The following C8orf34 variants were observed in gnomAD, a reference collection of about 807,000 sequenced individuals.
C8orf34 encodes the protein uncharacterized protein C8orf34.
A neutral mutation model predicts 68.3 loss-of-function variants in C8orf34; 65 were observed. That is an observed-to-expected ratio of 0.95 (90% CI 0.78 to 1.17). C8orf34 has a LOEUF of 1.17. Among genes scored for constraint, C8orf34 ranks in the 50% most tolerant of loss-of-function variants. The pLI is 0.00. For synonymous variants in C8orf34, 244 were observed against 241.2 expected, an observed-to-expected ratio of 1.01 and a Z score of -0.11; for missense variants, 664 against 655.4, an observed-to-expected ratio of 1.01 and a Z score of -0.14.
intron 7 of C8orf34, among the ~76,000 whole-genome samples, chr8:68,548,409 T>C (rs1815956900): frequency 6.6e-6 from 1 of 151,602 alleles, no homozygotes; most frequent in Admixed American, 6.6e-5. Flanking sequence ...GATAAACAAA[T>C]GGGAAATAAG....
intron 5 of C8orf34, among the ~76,000 whole-genome samples, chr8:68,508,905 C>T (rs1286122962): frequency 2.6e-5 from 4 of 152,072 alleles, no homozygotes; most frequent in Admixed American, 2.0e-4. Context: ...CTCGCTAGGC[C>T]AGAGTCCCTG....
chr8:68,810,549 A>T (rs1226975233), intron 12 of C8orf34, among the ~76,000 whole-genome samples: 1 of 152,122 alleles, frequency 6.6e-6, no homozygotes, highest in Non-Finnish European at 1.5e-5. Flanking sequence ...AGTGAGGGGC[A>T]TGTCTCAACC....
At chr8:68,334,718 G>A (rs1805772413) in intron 1 of C8orf34, among the ~76,000 whole-genome samples, 1 of 152,060 alleles carries the variant, frequency 6.6e-6, no homozygotes, top group African/African-American at 2.4e-5. Flanking sequence ...CTCTAAGTAT[G>A]GTATGACCCA....
intron 10 of C8orf34, among the ~76,000 whole-genome samples, chr8:68,753,161 C>A (rs1317477931): frequency 6.6e-6 from 1 of 152,054 alleles, no homozygotes; most frequent in Non-Finnish European, 1.5e-5. Flanking sequence ...AAAACATGTT[C>A]TCGTAGATAA....
intron 8 of C8orf34, among the ~76,000 whole-genome samples, chr8:68,681,201 G>A (rs956161478): frequency 2.6e-5 from 4 of 152,094 alleles, no homozygotes; most frequent in Admixed American, 1.3e-4. Context: ...CAATCAATTT[G>A]TATAGTTAAC....
At chr8:68,480,063 G>T (rs1317429222) in intron 4 of C8orf34, among the ~76,000 whole-genome samples, 1 of 152,108 alleles carries the variant, frequency 6.6e-6, no homozygotes, top group Non-Finnish European at 1.5e-5. Context: ...TTTGTTCTAG[G>T]ATAACCAATT....
intron 7 of C8orf34, among the ~76,000 whole-genome samples, chr8:68,638,688 A>G (rs1323593256): frequency 6.6e-6 from 1 of 151,994 alleles, no homozygotes; most frequent in African/African-American, 2.4e-5. Flanking sequence ...GTCGTTGTCC[A>G]GTTAACAAAC....
chr8:68,622,761 AAGATG>A (rs1439616185), intron 7 of C8orf34, among the ~76,000 whole-genome samples: 11 of 152,254 alleles, frequency 7.2e-5, no homozygotes, highest in Non-Finnish European at 1.3e-4. Context: ...AAAAATAAAA[AAGATG>A]AGATGCAAAA....
At chr8:68,378,379 A>C (rs1483639177) in intron 1 of C8orf34, among the ~76,000 whole-genome samples, 3 of 152,154 alleles carry the variant, frequency 2.0e-5, no homozygotes, top group African/African-American at 7.2e-5. Context: ...GAGTGGTACA[A>C]TCTAGGCTCA....
chr8:68,723,339 C>A (rs1452669175), intron 10 of C8orf34, among the ~76,000 whole-genome samples: 1 of 152,026 alleles, frequency 6.6e-6, no homozygotes, highest in Non-Finnish European at 1.5e-5. Context: ...TTCTTTTAAC[C>A]AATGCTTACA....
At chr8:68,582,689 T>C (rs900407970) in intron 7 of C8orf34, among the ~76,000 whole-genome samples, 1 of 152,070 alleles carries the variant, frequency 6.6e-6, no homozygotes, top group Non-Finnish European at 1.5e-5. Flanking sequence ...TAGGTATTAC[T>C]CGTTTTTTGA....
At chr8:68,777,038 G>A (rs766779471) in intron 11 of C8orf34, among the ~76,000 whole-genome samples, 4 of 152,222 alleles carry the variant, frequency 2.6e-5, no homozygotes, top group Non-Finnish European at 5.9e-5. Context: ...ATAAACCAGT[G>A]GGCAGAGCCC....
intron 5 of C8orf34, among the ~76,000 whole-genome samples, chr8:68,508,235 TCTC>T (rs1403841646): frequency 3.3e-5 from 5 of 152,186 alleles, no homozygotes; most frequent in African/African-American, 7.2e-5. Context: ...TTGCAATACT[TCTC>T]CTTCTTGCCC....
intron 12 of C8orf34, among the ~76,000 whole-genome samples, chr8:68,812,412 T>C (rs1271953107): frequency 6.6e-6 from 1 of 152,196 alleles, no homozygotes. Flanking sequence ...ATATCGTCTT[T>C]AGTATAATTA....
chr8:68,741,681 G>C (rs1306677546), intron 10 of C8orf34, among the ~76,000 whole-genome samples: 1 of 151,884 alleles, frequency 6.6e-6, no homozygotes, highest in Non-Finnish European at 1.5e-5. Context: ...GGGTTCAGTT[G>C]TTTTAATTTT....
At chr8:68,674,140 T>A (rs1209163600) in intron 8 of C8orf34, among the ~76,000 whole-genome samples, 2 of 151,750 alleles carry the variant, frequency 1.3e-5, no homozygotes, top group Non-Finnish European at 2.9e-5. Context: ...AACACCCAAG[T>A]CCCCTCAAAT....
intron 8 of C8orf34, among the ~76,000 whole-genome samples, chr8:68,651,995 T>A (rs975192388): frequency 6.6e-6 from 1 of 152,160 alleles, no homozygotes; most frequent in African/African-American, 2.4e-5. Context: ...CTAAGTGATA[T>A]CTATGGACTG....
At chr8:68,358,673 G>A (rs1044081597) in intron 1 of C8orf34, among the ~76,000 whole-genome samples, 4 of 151,510 alleles carry the variant, frequency 2.6e-5, no homozygotes, top group African/African-American at 9.7e-5. Flanking sequence ...TTTTTGGAGG[G>A]GGGGTGTTTA....
intron 10 of C8orf34, among the ~76,000 whole-genome samples, chr8:68,729,330 T>G (rs2129526791): frequency 6.6e-6 from 1 of 152,336 alleles, no homozygotes; most frequent in African/African-American, 2.4e-5. Context: ...TTTTGGGAAT[T>G]ATGTTAAAAG....
Sources: gnomAD v4.1 joint callset for allele counts (sites outside exome capture counted in the v4.1 genomes callset) on GRCh38, gnomAD v4.1.1 for gene constraint, MANE v1.5 for transcripts, NCBI Gene and HGNC (gene_info 2026-07-23, HGNC 2026-07-21) for gene names.